Variants in CPEB1 observed in about 807,000 individuals in gnomAD.
CPEB1 encodes cytoplasmic polyadenylation element-binding protein 1.
CPEB1 carries 7 observed loss-of-function variants against 65.8 expected under a neutral mutation model. The ratio of observed to expected loss-of-function variants is 0.11; its 90% CI spans 0.06 to 0.20. CPEB1 has a LOEUF of 0.20. Ranked by LOEUF, CPEB1 falls within the 10% of genes least tolerant of loss-of-function variation. CPEB1 has a pLI of 1.00. For synonymous variants in CPEB1, 262 were observed against 260.0 expected (o/e 1.01, Z -0.08); for missense variants, 551 against 712.2 (o/e 0.77, Z 2.58).
chr15:82,616,367 C>G (rs895599357), intron 3 of CPEB1, among the ~76,000 whole-genome samples: 3 of 151,934 alleles, frequency 2.0e-5, no homozygotes, highest in Non-Finnish European at 4.4e-5. Context: ...GGAAATATAC[C>G]AACTTCAGGA....
At chr15:82,561,481 A>G (rs2038189865) in intron 4 of CPEB1, among the ~76,000 whole-genome samples, 1 of 152,242 alleles carries the variant, frequency 6.6e-6, no homozygotes, top group South Asian at 2.1e-4. Context: ...GCAGAACGCC[A>G]GAAAAAATAC....
At chr15:82,609,861 G>A (rs1384046839) in intron 3 of CPEB1, among the ~76,000 whole-genome samples, 1 of 152,008 alleles carries the variant, frequency 6.6e-6, no homozygotes, top group Non-Finnish European at 1.5e-5. Context: ...GGGAGTTTGA[G>A]ATCAGCCCAA....
intron 3 of CPEB1, among the ~76,000 whole-genome samples, chr15:82,597,944 T>C (rs2042787794): frequency 6.6e-6 from 1 of 152,276 alleles, no homozygotes; most frequent in South Asian, 2.1e-4. Flanking sequence ...TAAAAGGAGT[T>C]ACCTATAGGA....
At chr15:82,603,582 G>T (rs1002538441) in intron 3 of CPEB1, among the ~76,000 whole-genome samples, 1 of 151,842 alleles carries the variant, frequency 6.6e-6, no homozygotes. Flanking sequence ...GGTTAACCTT[G>T]AGGCTCTGTA....
intron 3 of CPEB1, among the ~76,000 whole-genome samples, chr15:82,605,626 GAAC>G (rs566203275): frequency 1.8e-3 from 274 of 152,226 alleles, no homozygotes; most frequent in African/African-American, 5.8e-3. Context: ...ACATATATCA[GAAC>G]ATCACACTGT....
At chr15:82,565,841 C>G (rs1184136337) in intron 4 of CPEB1, among the ~76,000 whole-genome samples, 1 of 152,194 alleles carries the variant, frequency 6.6e-6, no homozygotes, top group Non-Finnish European at 1.5e-5. Flanking sequence ...TTCCTATCTT[C>G]TAAAAATGGG....
intron 3 of CPEB1, among the ~76,000 whole-genome samples, chr15:82,582,275 G>A (rs1054766255): frequency 9.9e-5 from 15 of 152,088 alleles, no homozygotes; most frequent in Non-Finnish European, 1.6e-4. Flanking sequence ...TTTTACAAAC[G>A]GGAGTGTTCT....
At chr15:82,580,491 G>A (rs1340865423) in intron 3 of CPEB1, among the ~76,000 whole-genome samples, 2 of 151,874 alleles carry the variant, frequency 1.3e-5, no homozygotes, top group Non-Finnish European at 2.9e-5. Context: ...ATATGCAAGG[G>A]GTACCCTGTA....
At chr15:82,592,431 T>C (rs2151154267) in intron 3 of CPEB1, among the ~76,000 whole-genome samples, 1 of 151,652 alleles carries the variant, frequency 6.6e-6, no homozygotes, top group Non-Finnish European at 1.5e-5. Flanking sequence ...CTACCAAAAA[T>C]ACAGGGACTG....
At chr15:82,601,622 A>G (rs1383840500) in intron 3 of CPEB1, among the ~76,000 whole-genome samples, 1 of 152,154 alleles carries the variant, frequency 6.6e-6, no homozygotes, top group Non-Finnish European at 1.5e-5. Flanking sequence ...CAATATCCCA[A>G]CTATATGCTG....
chr15:82,628,636 AATT>A, intron 1 of CPEB1, 80 bp from the exon 2 acceptor site: 1 of 590,848 alleles, frequency 1.7e-6, no homozygotes, highest in Non-Finnish European at 3.0e-6. Flanking sequence ...GTCAGACAGA[AATT>A]ATTTCTGTAA....
intron 1 of CPEB1, among the ~76,000 whole-genome samples, chr15:82,636,894 T>C (rs1596141218): frequency 6.6e-6 from 1 of 152,230 alleles, no homozygotes; most frequent in South Asian, 2.1e-4. Flanking sequence ...TCATCAATTC[T>C]ACCTCTTCTC....
chr15:82,612,692 G>T (rs543750527), intron 3 of CPEB1, among the ~76,000 whole-genome samples: 94 of 151,892 alleles, frequency 6.2e-4, no homozygotes, highest in African/African-American at 2.2e-3. Flanking sequence ...AAAATTAGCT[G>T]GGCAGGTGGC....
At chr15:82,621,760 G>T (rs2151296160) in intron 3 of CPEB1, among the ~76,000 whole-genome samples, 1 of 152,308 alleles carries the variant, frequency 6.6e-6, no homozygotes, top group South Asian at 2.1e-4. Context: ...CTTCGCCTAT[G>T]ATACAGCATG....
At chr15:82,594,891 G>A (rs1019946142) in intron 3 of CPEB1, among the ~76,000 whole-genome samples, 4 of 152,152 alleles carry the variant, frequency 2.6e-5, no homozygotes, top group African/African-American at 9.7e-5. Context: ...GAGAACGGCC[G>A]ACTGGTGGAG....
intron 3 of CPEB1, chr15:82,573,129 G>T: frequency 3.3e-6 from 5 of 1,535,494 alleles, no homozygotes; most frequent in Non-Finnish European, 4.4e-6. Context: ...AGAGAATAAT[G>T]CTGCCACAGA....
In CPEB1 at chr15:82,638,908, T is replaced by A. The variant is rs59650200; in HGVS notation, c.-98+8229A>T. Among the ~76,000 whole-genome samples the A allele has an allele frequency of 9.0e-3, 1,372 of 152,352 alleles. 21 individuals carry two copies. The highest frequency in any genetic ancestry group is 0.032 in the African/African-American group (1,323 of 41,588). ...TACAATGACTGCTACTACAGTTTAA[T>A]GGCATTGCCCTGATTCCTGCTAAGT... is the stretch of plus-strand genomic sequence containing the variant. On this transcript the variant is annotated intron_variant, in intron 1 of 12. Coordinates refer to ENST00000684509, the MANE Select transcript of CPEB1 (RefSeq NM_001365242.1).
chr15:82,587,803 G>A (rs2041918044), intron 3 of CPEB1, among the ~76,000 whole-genome samples: 1 of 152,162 alleles, frequency 6.6e-6, no homozygotes, highest in Non-Finnish European at 1.5e-5. Flanking sequence ...AAACCTTTCT[G>A]GGATGCTATC....
At chr15:82,643,878 G>C (rs1021364998) in intron 1 of CPEB1, among the ~76,000 whole-genome samples, 2 of 152,084 alleles carry the variant, frequency 1.3e-5, no homozygotes, top group African/African-American at 4.8e-5. Flanking sequence ...AGCATTATGG[G>C]AATCTTAGCT....
Sources: gnomAD v4.1 joint callset for allele counts (sites outside exome capture counted in the v4.1 genomes callset) on GRCh38, gnomAD v4.1.1 for gene constraint, MANE v1.5 for transcripts, NCBI Gene and HGNC (gene_info 2026-07-23, HGNC 2026-07-21) for gene names.